BARD1: variants seen among roughly 807,000 people sequenced by gnomAD.
BARD1 encodes the protein BRCA1 associated RING domain 1, also known as BRCA1-associated RING domain protein 1.
In BARD1, 73 loss-of-function variants were observed where a neutral mutation model predicts 77.0. That is an observed-to-expected ratio of 0.95 (90% CI 0.79 to 1.15). The LOEUF (loss-of-function observed/expected upper bound fraction) is 1.15, where lower values mean the gene tolerates loss of function less well. BARD1 is among the 50% of genes most tolerant of loss of function. The pLI is 0.00. For synonymous variants in BARD1, 384 were observed against 338.0 expected (o/e 1.14, Z -1.49); for missense variants, 993 against 938.8 (o/e 1.06, Z -0.75).
At position 214,769,409 on chromosome 2, in the gene BARD1, A is replaced by T. The variant is rs1694373223; in HGVS notation, c.1315-97T>A. ...GCTGCCTTCTTCAATATAAAGTAAAACTTAAATCGTTTTCTCTTAAGGCTA... is the reference window on the plus strand; with the variant it reads ...GCTGCCTTCTTCAATATAAAGTAAATCTTAAATCGTTTTCTCTTAAGGCTA... On this transcript the variant is annotated intron_variant, in intron 4 of 10. Transcript: ENST00000260947. 10 of 977,298 alleles carry T rather than the reference A, an allele frequency of 1.0e-5. No homozygotes were observed. The South Asian group carries it at 1.4e-4, about 13-fold the overall frequency. 60.5% of individuals were successfully genotyped at this position (977,298 alleles called of 1,614,324 possible). A position where few individuals can be genotyped will look rare whatever the true frequency, so the allele number is the denominator to read the frequency against.
At chr2:214,788,949 C>T (rs1695397991) in intron 3 of BARD1, among the ~76,000 whole-genome samples, 1 of 151,984 alleles carries the variant, frequency 6.6e-6, no homozygotes, top group African/African-American at 2.4e-5. Flanking sequence ...AAAAAAATCT[C>T]AAATGCCCTT....
rs764592698 is a variant in BARD1 at position 214,780,565 on chromosome 2, T to C, written c.1309A>G (p.Ile437Val). The change falls in exon 4 of 11, where the codon ATT (isoleucine) becomes GTT (valine). Residue 437 changes from isoleucine to valine, a missense_variant. Coordinates refer to ENST00000260947, the MANE Select transcript of BARD1 (RefSeq NM_000465.4). ...RGETLLHIAS[I>V]KGDIPSVEYL... ...TTTCAGAGTAAGCATCCTACCTTAA[T>C]AGAAGCAATATGGAGCAAAGTCTCT... The C allele has an allele frequency of 9.9e-6, 16 of 1,613,484 alleles. No individual in the cohort carries two copies. The East Asian group carries it at 1.1e-4, about 11-fold the overall frequency.
chr2:214,745,662 C>T, intron 8 of BARD1, 60 bp downstream of exon 8: 1 of 1,586,728 alleles, frequency 6.3e-7, no homozygotes, highest in Non-Finnish European at 8.7e-7. Flanking sequence ...GGTAGTTCTC[C>T]AAAAGGATCA....
intron 9 of BARD1, among the ~76,000 whole-genome samples, chr2:214,741,514 C>A (rs74408458): frequency 0.027 from 4,128 of 151,974 alleles, 189 homozygotes; most frequent in African/African-American, 0.094. Context: ...TATTTATATA[C>A]CTTCTATTCT....
chr2:214,745,148 C>T lies in BARD1; in HGVS notation c.1822G>A (p.Val608Ile), dbSNP rs778987552. ...CTTTGAACTGCATCACCAGGAACAA[C>T]AACATGAGTTACTAAAATACAAAAA... ...TEFDSTVTHV[V>I]VPGDAVQSTL... Residue 608 changes from valine to isoleucine, a missense_variant, in exon 9 of 11, where the codon GTT (valine) becomes ATT (isoleucine). Physicochemically the swap from Val to Ile is conservative, Grantham distance 29. Transcript: ENST00000260947. 1 of 1,613,716 alleles carries T rather than the reference C, an allele frequency of 6.2e-7. No homozygotes were observed. The highest frequency in any genetic ancestry group is 8.5e-7 in the Non-Finnish European group (1 of 1,179,682).
At chr2:214,787,102 C>T (rs890447993) in intron 3 of BARD1, among the ~76,000 whole-genome samples, 2 of 151,606 alleles carry the variant, frequency 1.3e-5, no homozygotes, top group African/African-American at 4.8e-5. Flanking sequence ...ACACAGATGA[C>T]ATTTTCAATT....
chr2:214,775,646 A>C (rs1694705230), intron 4 of BARD1, among the ~76,000 whole-genome samples: 1 of 152,214 alleles, frequency 6.6e-6, no homozygotes, highest in African/African-American at 2.4e-5. Flanking sequence ...GCCAAAAAAC[A>C]CAAAAACAAA....
chr2:214,778,313 C>T (rs1694826056), intron 4 of BARD1, among the ~76,000 whole-genome samples: 1 of 150,220 alleles, frequency 6.7e-6, no homozygotes, highest in Non-Finnish European at 1.5e-5. Flanking sequence ...ATACATTCAA[C>T]TCATAAAAAA....
chr2:214,799,615 C>A (rs1695922713), intron 1 of BARD1, among the ~76,000 whole-genome samples: 1 of 152,176 alleles, frequency 6.6e-6, no homozygotes, highest in African/African-American at 2.4e-5. Context: ...GTTCCCATAT[C>A]TTTTCTGCCT....
chr2:214,768,902 A>T (rs959315117), intron 5 of BARD1, among the ~76,000 whole-genome samples: 2 of 152,190 alleles, frequency 1.3e-5, no homozygotes, highest in African/African-American at 4.8e-5. Flanking sequence ...TTTTGTTCCA[A>T]GAAATTTGGT....
intron 6 of BARD1, among the ~76,000 whole-genome samples, chr2:214,758,513 G>A (rs2106053492): frequency 6.6e-6 from 1 of 152,234 alleles, no homozygotes; most frequent in Non-Finnish European, 1.5e-5. Flanking sequence ...ATTGATGCAT[G>A]TTTTTCATGA....
chr2:214,764,006 C>T (rs754745042), intron 6 of BARD1, among the ~76,000 whole-genome samples: 2 of 152,080 alleles, frequency 1.3e-5, no homozygotes, highest in African/African-American at 2.4e-5. Context: ...AGCCACAATC[C>T]CACAAAAAGT....
chr2:214,731,003 A>G (rs1315834498), intron 9 of BARD1: 4 of 431,936 alleles, frequency 9.3e-6, no homozygotes, highest in Admixed American at 7.4e-5. Context: ...TACAGCACCA[A>G]GCTCAGCTAG....
intron 7 of BARD1, 149 bp downstream of exon 7, chr2:214,752,298 T>G: frequency 3.0e-6 from 2 of 663,574 alleles, no homozygotes; most frequent in South Asian, 3.5e-5. Flanking sequence ...ATTATGTCTT[T>G]GAATCCACAG....
intron 6 of BARD1, 34 bp downstream of exon 6, chr2:214,767,448 A>T (rs1306230978): frequency 6.3e-7 from 1 of 1,598,258 alleles, no homozygotes; most frequent in East Asian, 2.2e-5. Context: ...ATATAGGTCC[A>T]TTTTAAAAAT....
At chr2:214,734,752 GTTTTCTTTTTAC>G (rs1692498561) in intron 9 of BARD1, among the ~76,000 whole-genome samples, 1 of 152,030 alleles carries the variant, frequency 6.6e-6, no homozygotes, top group African/African-American at 2.4e-5. Context: ...ATTCTATTCT[GTTTTCTTTTTAC>G]TTTTCTAACT....
chr2:214,730,012 C>A (rs1176452157), intron 10 of BARD1, among the ~76,000 whole-genome samples: 4 of 151,042 alleles, frequency 2.6e-5, no homozygotes, highest in East Asian at 1.9e-4. Context: ...TGGAAATTTT[C>A]TTTGTGACTT....
intron 10 of BARD1, 119 bp from the exon 11 acceptor site, chr2:214,729,127 G>A (rs2075623): frequency 4.1e-6 from 5 of 1,221,336 alleles, no homozygotes; most frequent in Non-Finnish European, 5.7e-6. Context: ...AACATTTGGA[G>A]GAGAAGCATT....
chr2:214,804,901 G>A (rs775720569), intron 1 of BARD1, among the ~76,000 whole-genome samples: 8 of 152,140 alleles, frequency 5.3e-5, no homozygotes, highest in South Asian at 2.1e-4. Flanking sequence ...GGTGGCTCAC[G>A]CCTGTAATCC....
Sources: gnomAD v4.1 joint callset for allele counts (sites outside exome capture counted in the v4.1 genomes callset) on GRCh38, gnomAD v4.1.1 for gene constraint, MANE v1.5 for transcripts, NCBI Gene and HGNC (gene_info 2026-07-23, HGNC 2026-07-21) for gene names.